WDR7: variants seen among roughly 807,000 people sequenced by gnomAD.
The protein encoded by WDR7 is WD repeat-containing protein 7.
Under a neutral mutation model 169.4 loss-of-function variants are expected in WDR7, and 46 were observed. That is an observed-to-expected ratio of 0.27 (90% CI 0.21 to 0.35). The LOEUF is 0.35. WDR7 is among the 10% of genes least tolerant of loss of function. The pLI, the probability that WDR7 is intolerant of heterozygous loss-of-function variation, is 1.00. For synonymous variants in WDR7, 612 were observed against 666.8 expected (o/e 0.92, Z 1.27); for missense variants, 1,534 against 1,859.3 (o/e 0.83, Z 3.22).
At chr18:56,779,343 T>C (rs1394344311) in intron 17 of WDR7, 88 bp from the exon 18 acceptor site, 1 of 951,352 alleles carries the variant, frequency 1.1e-6, no homozygotes, top group African/African-American at 1.7e-5. Context: ...CTGCCTTTTT[T>C]TGTTTTTGGT....
Position 56,731,601 on chromosome 18 carries a change from A to T in WDR7, c.1989+4A>T. Reference sequence around the variant, plus strand: ...GGCTTCTGAGGCATCTGACAAGGTAAGTTTTATATGTGGGCCCATGAAGTG... The same window carrying T: ...GGCTTCTGAGGCATCTGACAAGGTATGTTTTATATGTGGGCCCATGAAGTG... On this transcript the variant is annotated splice_donor_region_variant and intron_variant, in intron 14 of 27. Coordinates refer to ENST00000254442, the MANE Select transcript of WDR7 (RefSeq NM_015285.3). 1.9e-6 allele frequency: 3 copies of T among 1,613,450 alleles called. No individual in the cohort carries two copies. The South Asian group carries it at 3.3e-5, about 18-fold the overall frequency.
chr18:56,759,505 C>A (rs2144957695), intron 16 of WDR7, among the ~76,000 whole-genome samples: 1 of 152,186 alleles, frequency 6.6e-6, no homozygotes, highest in South Asian at 2.1e-4. Context: ...CTAATAATTT[C>A]TACATATTCC....
chr18:56,826,013 A>G (rs1346671089), intron 20 of WDR7, among the ~76,000 whole-genome samples: 1 of 152,164 alleles, frequency 6.6e-6, no homozygotes, highest in Non-Finnish European at 1.5e-5. Context: ...GGAAAAAAGC[A>G]GAAATACTTA....
intron 7 of WDR7, among the ~76,000 whole-genome samples, chr18:56,690,029 T>TG (rs1307420806): frequency 5.9e-5 from 9 of 152,318 alleles, no homozygotes; most frequent in Non-Finnish European, 1.3e-4. Context: ...ATAAAACCTC[T>TG]GATCTATTGA....
intron 27 of WDR7, among the ~76,000 whole-genome samples, chr18:57,025,885 G>A (rs1011903190): frequency 6.6e-6 from 1 of 152,152 alleles, no homozygotes; most frequent in Non-Finnish European, 1.5e-5. Context: ...AGAGTTTCAT[G>A]GATCAACCAT....
intron 21 of WDR7, among the ~76,000 whole-genome samples, chr18:56,904,312 C>T (rs1045373736): frequency 5.3e-5 from 8 of 152,032 alleles, no homozygotes; most frequent in Non-Finnish European, 7.4e-5. Flanking sequence ...TCAGGTGATC[C>T]GCCTGTCTCA....
intron 26 of WDR7, among the ~76,000 whole-genome samples, chr18:56,977,109 T>C (rs949400553): frequency 6.6e-6 from 1 of 152,214 alleles, no homozygotes; most frequent in Non-Finnish European, 1.5e-5. Context: ...TGAAGATTAA[T>C]CAAGCCAATG....
chr18:56,811,589 T>C (rs1261689357), intron 19 of WDR7, among the ~76,000 whole-genome samples: 3 of 152,178 alleles, frequency 2.0e-5, no homozygotes, highest in Non-Finnish European at 2.9e-5. Flanking sequence ...CTGAGTTTTT[T>C]TGGAAAAATT....
chr18:56,817,161 A>G (rs780568436), intron 20 of WDR7, among the ~76,000 whole-genome samples: 8 of 152,030 alleles, frequency 5.3e-5, no homozygotes, highest in Non-Finnish European at 1.2e-4. Context: ...CCTGGCCAAC[A>G]TGGCAAAATC....
chr18:56,802,903 TCTC>T (rs1355717691), intron 19 of WDR7, among the ~76,000 whole-genome samples: 2 of 151,952 alleles, frequency 1.3e-5, no homozygotes, highest in East Asian at 3.8e-4. Flanking sequence ...ATGCAGATTT[TCTC>T]CTGTGTTTTT....
At chr18:56,901,228 CT>C (rs1272176195) in intron 21 of WDR7, among the ~76,000 whole-genome samples, 1 of 152,108 alleles carries the variant, frequency 6.6e-6, no homozygotes, top group African/African-American at 2.4e-5. Flanking sequence ...AAGACCGTGT[CT>C]TTGAAAATTT....
intron 3 of WDR7, among the ~76,000 whole-genome samples, chr18:56,680,189 T>G (rs772410799): frequency 1.8e-4 from 27 of 152,006 alleles, no homozygotes; most frequent in Non-Finnish European, 3.4e-4. Flanking sequence ...AAACCCTGTC[T>G]CTACAAAAAA....
Position 56,977,698 on chromosome 18 carries a change from T to C in WDR7, c.4164+15169T>C, listed in dbSNP as rs557904446. On this transcript the variant is annotated intron_variant, in intron 26 of 27. Coordinates refer to ENST00000254442, the MANE Select transcript of WDR7 (RefSeq NM_015285.3). ...AAGGTATTAAAAACGTAGTTTACTT[T>C]TGAAGGAATGACAGGAGCAAGAAAA... 6.6e-5 allele frequency among the ~76,000 whole-genome samples: 10 copies of C among 152,340 alleles called. No homozygotes were observed. The South Asian group carries it at 2.1e-3, about 32-fold the overall frequency.
intron 20 of WDR7, among the ~76,000 whole-genome samples, chr18:56,863,173 A>G (rs1012220463): frequency 7.9e-5 from 12 of 151,832 alleles, no homozygotes; most frequent in Middle Eastern, 3.2e-3. Context: ...TAGTATATAC[A>G]AAACAATTGT....
intron 23 of WDR7, among the ~76,000 whole-genome samples, chr18:56,937,028 A>G (rs1020215274): frequency 2.0e-5 from 3 of 152,188 alleles, no homozygotes; most frequent in Non-Finnish European, 2.9e-5. Context: ...TGCACAGGTC[A>G]TAATATTGAA....
chr18:56,835,393 G>A (rs1173900880), intron 20 of WDR7, among the ~76,000 whole-genome samples: 1 of 152,016 alleles, frequency 6.6e-6, no homozygotes, highest in Admixed American at 6.6e-5. Context: ...TACATTTGTA[G>A]TATTGTACCT....
At chr18:56,829,173 C>T (rs981760360) in intron 20 of WDR7, among the ~76,000 whole-genome samples, 3 of 151,076 alleles carry the variant, frequency 2.0e-5, no homozygotes, top group Admixed American at 2.0e-4. Context: ...CCTGTAGTCT[C>T]AGCTACTTGG....
chr18:56,844,667 A>G (rs551712283), intron 20 of WDR7, among the ~76,000 whole-genome samples: 1 of 152,256 alleles, frequency 6.6e-6, no homozygotes, highest in East Asian at 1.9e-4. Flanking sequence ...ACAAGGTTCA[A>G]ACAAGGCCTT....
intron 1 of WDR7, among the ~76,000 whole-genome samples, chr18:56,662,374 C>T (rs926723034): frequency 6.6e-6 from 1 of 152,214 alleles, no homozygotes; most frequent in Admixed American, 6.5e-5. Flanking sequence ...TTTTAGAAAT[C>T]ATGTGTGCTA....
Sources: gnomAD v4.1 joint callset for allele counts (sites outside exome capture counted in the v4.1 genomes callset) on GRCh38, gnomAD v4.1.1 for gene constraint, MANE v1.5 for transcripts, NCBI Gene and HGNC (gene_info 2026-07-23, HGNC 2026-07-21) for gene names.